The following SLCO5A1 variants were observed in gnomAD, a reference collection of about 807,000 sequenced individuals.
SLCO5A1 encodes solute carrier organic anion transporter family member 5A1, also known as organic anion transporter polypeptide-related protein 4.
In SLCO5A1, 39 loss-of-function variants were observed where a neutral mutation model predicts 65.1. The ratio of observed to expected loss-of-function variants is 0.60; its 90% CI spans 0.46 to 0.78. The LOEUF is 0.78. Among genes scored for constraint, SLCO5A1 ranks in the 30% least tolerant of loss-of-function variants. The pLI is 0.00. For missense variants in SLCO5A1, 1,029 were observed against 1,069.4 expected (o/e 0.96, Z 0.53); for synonymous variants, 438 against 415.7 (o/e 1.05, Z -0.65).
chr8:69,823,670 A>C (rs1364729259), intron 2 of SLCO5A1, among the ~76,000 whole-genome samples: 3 of 152,146 alleles, frequency 2.0e-5, no homozygotes, highest in African/African-American at 7.2e-5. Context: ...CCCACACAAT[A>C]ATAATGGGAG....
chr8:69,772,918 C>A lies in SLCO5A1; in HGVS notation c.908-11043G>T, dbSNP rs147226660. 1.3e-5 allele frequency: 13 copies of A among 985,320 alleles called. No homozygotes were observed. In the East Asian group the frequency reaches 1.5e-3, roughly 112 times the overall value. The allele number at this position is 985,320 out of a possible 1,614,324, so 61.0% of individuals were successfully genotyped here. ...TTCCAGGAAAGACACATGTAAAACT[C>A]ACCATGATCCAAGGTTCAGTGAGTG... On this transcript the variant is annotated intron_variant, in intron 2 of 9. Coordinates refer to ENST00000260126, the MANE Select transcript of SLCO5A1 (RefSeq NM_030958.3).
intron 6 of SLCO5A1, among the ~76,000 whole-genome samples, chr8:69,703,567 A>G (rs1441051097): frequency 6.6e-6 from 1 of 152,172 alleles, no homozygotes; most frequent in African/African-American, 2.4e-5. Context: ...CCCACTGCCC[A>G]CCAAATGGGG....
chr8:69,750,513 A>G (rs1476770514), intron 4 of SLCO5A1, among the ~76,000 whole-genome samples: 1 of 151,860 alleles, frequency 6.6e-6, no homozygotes, highest in Non-Finnish European at 1.5e-5. Flanking sequence ...TCCCAACCTC[A>G]TCTCCCAGGC....
chr8:69,773,254 G>A (rs759655367), intron 2 of SLCO5A1, among the ~76,000 whole-genome samples: 10 of 152,124 alleles, frequency 6.6e-5, no homozygotes, highest in Non-Finnish European at 8.8e-5. Flanking sequence ...AGAGGGTGAC[G>A]GCAGTACAGA....
chr8:69,719,333 G>A (rs1318827760), intron 5 of SLCO5A1, among the ~76,000 whole-genome samples: 1 of 152,148 alleles, frequency 6.6e-6, no homozygotes, highest in Non-Finnish European at 1.5e-5. Flanking sequence ...AGTTTTACAA[G>A]CGCAAACATA....
intron 2 of SLCO5A1, among the ~76,000 whole-genome samples, chr8:69,770,643 G>A (rs1433968748): frequency 6.6e-6 from 1 of 151,972 alleles, no homozygotes; most frequent in African/African-American, 2.4e-5. Flanking sequence ...CTTCAACAGG[G>A]AAAGCCAGCT....
chr8:69,753,749 G>A (rs371951675), intron 4 of SLCO5A1, among the ~76,000 whole-genome samples: 12 of 151,992 alleles, frequency 7.9e-5, no homozygotes, highest in Non-Finnish European at 1.8e-4. Context: ...GGTGGCTCAC[G>A]CCTGTAATCC....
At chr8:69,742,243 T>G (rs2040782717) in intron 4 of SLCO5A1, among the ~76,000 whole-genome samples, 1 of 152,226 alleles carries the variant, frequency 6.6e-6, no homozygotes, top group Non-Finnish European at 1.5e-5. Context: ...AAGACTAAGT[T>G]AGCAAAGAAG....
At chr8:69,738,684 G>A (rs947696274) in intron 4 of SLCO5A1, among the ~76,000 whole-genome samples, 1 of 152,132 alleles carries the variant, frequency 6.6e-6, no homozygotes, top group African/African-American at 2.4e-5. Context: ...TTATACTTCT[G>A]ATTGTCAAGG....
intron 4 of SLCO5A1, among the ~76,000 whole-genome samples, chr8:69,739,645 C>A (rs542038207): frequency 1.3e-5 from 2 of 152,152 alleles, no homozygotes; most frequent in South Asian, 4.1e-4. Context: ...TCACTGTCAT[C>A]ATTTTAAAAT....
intron 5 of SLCO5A1, among the ~76,000 whole-genome samples, chr8:69,711,086 C>T (rs1815224959): frequency 6.6e-6 from 1 of 152,088 alleles, no homozygotes; most frequent in African/African-American, 2.4e-5. Context: ...GGAGCGGCTG[C>T]GAGTCAGTTT....
rs537753202 is a variant in SLCO5A1 at position 69,821,737 on chromosome 8, T to C, written c.907+10030A>G. On this transcript the variant is annotated intron_variant, in intron 2 of 9. Coordinates refer to ENST00000260126, the MANE Select transcript of SLCO5A1 (RefSeq NM_030958.3). Reference sequence around the variant, plus strand: ...GGAGAAACACCTGAGCCCAGGGAACTTGAGGCTGTAGTGAGCCATAATTAC... The same window carrying C: ...GGAGAAACACCTGAGCCCAGGGAACCTGAGGCTGTAGTGAGCCATAATTAC... Among the ~76,000 whole-genome samples the C allele has an allele frequency of 1.6e-3, 239 of 151,430 alleles. 1 individual carries two copies. Among genetic ancestry groups the C allele is most frequent in the African/African-American group, 5.3e-3 (220 of 41,194 alleles).
At chr8:69,800,797 G>A (rs192860500) in intron 2 of SLCO5A1, among the ~76,000 whole-genome samples, 51 of 152,298 alleles carry the variant, frequency 3.3e-4, no homozygotes, top group African/African-American at 1.2e-3. Flanking sequence ...GCACCAGAAC[G>A]TTGCCACCCC....
intron 2 of SLCO5A1, among the ~76,000 whole-genome samples, chr8:69,815,823 T>G (rs1193687019): frequency 2.1e-4 from 32 of 152,126 alleles, no homozygotes; most frequent in Admixed American, 2.1e-3. Context: ...AGCCCTAATA[T>G]TTTTGCACCC....
intron 3 of SLCO5A1, 33 bp from the exon 4 acceptor site, chr8:69,755,674 GTCTTT>G: frequency 6.4e-7 from 1 of 1,558,520 alleles, no homozygotes; most frequent in Non-Finnish European, 8.7e-7. Flanking sequence ...TAGCATTTAC[GTCTTT>G]TCTTTTGTGA....
chr8:69,827,408 T>G (rs1267264856), intron 2 of SLCO5A1, among the ~76,000 whole-genome samples: 1 of 152,200 alleles, frequency 6.6e-6, no homozygotes, highest in Non-Finnish European at 1.5e-5. Flanking sequence ...CCTCTCTCCT[T>G]GCAGAAGTTA....
At chr8:69,722,377 T>A (rs1057038098) in intron 5 of SLCO5A1, among the ~76,000 whole-genome samples, 1 of 152,042 alleles carries the variant, frequency 6.6e-6, no homozygotes, top group Non-Finnish European at 1.5e-5. Flanking sequence ...CTTATACAGA[T>A]AAGAAAACAG....
Position 69,831,928 on chromosome 8 carries a change from G to T in SLCO5A1, c.746C>A (p.Pro249Gln). 3 of 1,602,100 alleles carry T rather than the reference G, an allele frequency of 1.9e-6. No homozygotes were observed. Among genetic ancestry groups the T allele is most frequent in the Non-Finnish European group, 2.6e-6 (3 of 1,175,416 alleles). The change falls in exon 2 of 10, where the codon CCG becomes CAG. Residue 249 changes from proline (P) to glutamine (Q), a missense_variant. Physicochemically the swap from Pro to Gln is moderately conservative, Grantham distance 76 (BLOSUM62 -1). Transcript: ENST00000260126. The part of the protein sequence containing the change: ...GGNSTATLEP[P>Q]ACPKDSGGNN... ...TCCTCCCGAGTCCTTCGGACAGGCC[G>T]GAGGCTCCAAAGTGGCGGTGGAGTT...
chr8:69,703,054 T>A (rs1210989532), intron 6 of SLCO5A1, among the ~76,000 whole-genome samples: 1 of 147,318 alleles, frequency 6.8e-6, no homozygotes, highest in African/African-American at 2.5e-5. Context: ...GAGGCTGCAG[T>A]GAGCCATGAC....
Sources: gnomAD v4.1 joint callset for allele counts (sites outside exome capture counted in the v4.1 genomes callset) on GRCh38, gnomAD v4.1.1 for gene constraint, MANE v1.5 for transcripts, NCBI Gene and HGNC (gene_info 2026-07-23, HGNC 2026-07-21) for gene names.